SLC12A4: variants seen among roughly 807,000 people sequenced by gnomAD.
The protein encoded by SLC12A4 is solute carrier family 12 member 4, also known as electroneutral potassium-chloride cotransporter 1.
In SLC12A4, 84 loss-of-function variants were observed where a neutral mutation model predicts 119.2. The ratio of observed to expected loss-of-function variants is 0.70; its 90% CI spans 0.59 to 0.85. The LOEUF (loss-of-function observed/expected upper bound fraction) is 0.85. Among genes scored for constraint, SLC12A4 ranks in the 40% least tolerant of loss-of-function variants. The pLI, the probability that SLC12A4 is intolerant of heterozygous loss-of-function variation, is 0.00. For synonymous variants in SLC12A4, 599 were observed against 604.6 expected (o/e 0.99, Z 0.14); for missense variants, 1,298 against 1,476.3 (o/e 0.88, Z 1.98).
At chr16:67,966,850 G>C (rs954856792) in intron 1 of SLC12A4, 34 of 1,543,050 alleles carry the variant, frequency 2.2e-5, no homozygotes, top group Non-Finnish European at 2.9e-5. Flanking sequence ...GGAGGAGCTG[G>C]CCTAGCTTGC....
rs921779205 is a variant in SLC12A4, at chr16:67,951,197, C to T, written c.1240G>A (p.Ala414Thr). Residue 414 changes from alanine (A) to threonine (T), a missense_variant, in exon 9 of 24, where the codon GCT (alanine) becomes ACT (threonine). Transcript: ENST00000316341. The surrounding 1 kb of genome is among the most constrained non-coding windows in gnomAD (Gnocchi z 5.2). ...ACGGTGAAGGATGTGGCGATGTCAGCGACCACGTACAGAGGCAGGCTCTCC... is the reference window on the plus strand; with the variant it reads ...ACGGTGAAGGATGTGGCGATGTCAGTGACCACGTACAGAGGCAGGCTCTCC... ...LKESLPLYVV[A>T]DIATSFTVLV... 6.2e-6 allele frequency: 10 copies of T among 1,614,100 alleles called. No individual in the cohort carries two copies. The highest frequency in any genetic ancestry group is 2.2e-5 in the South Asian group (2 of 91,074).
chr16:67,957,483 CA>C (rs1199027663), intron 5 of SLC12A4: 10 of 478,042 alleles, frequency 2.1e-5, no homozygotes, highest in Middle Eastern at 1.2e-3. Context: ...TTTGCACTTT[CA>C]AACCCTCTTA....
At chr16:67,957,397 CT>C in intron 5 of SLC12A4, 1 of 248,824 alleles carries the variant, frequency 4.0e-6, no homozygotes, top group South Asian at 4.6e-5. Flanking sequence ...TCTCGATCTC[CT>C]GCCCTTGTGA....
At position 67,945,990 on chromosome 16, in the gene SLC12A4, G is replaced by C; in HGVS notation, c.2700C>G (p.Tyr900Ter). Residue 900 changes from tyrosine to a stop codon, truncating the protein, a stop_gained, in exon 20 of 24, where the codon TAC becomes TAG. Transcript: ENST00000316341. LOFTEE classifies it high-confidence loss of function. Reference sequence around the variant, plus strand: ...CCACCTCGGCCTCAAGGCGCAGATGGTACAGAAAGACAGCCAGGTCCTTCT... The same window carrying C: ...CCACCTCGGCCTCAAGGCGCAGATGCTACAGAAAGACAGCCAGGTCCTTCT... Reference protein sequence around the residue: ...QMKKDLAVFLYHLRLEAEVEV... With the variant: ...QMKKDLAVFL 6.2e-7 allele frequency: 1 copy of C among 1,614,114 alleles called. No individual in the cohort carries two copies. The highest frequency in any genetic ancestry group is 8.5e-7 in the Non-Finnish European group (1 of 1,180,014).
chr16:67,945,507 A>G lies in SLC12A4; in HGVS notation c.2894T>C (p.Leu965Pro). 6.2e-7 allele frequency: 1 copy of G among 1,614,024 alleles called. No homozygotes were observed. The highest frequency in any genetic ancestry group is 8.5e-7 in the Non-Finnish European group (1 of 1,179,996). Reference protein sequence around the residue: ...DRHSALRLESLYSDEEDESAV... With the variant: ...DRHSALRLESPYSDEEDESAV... ...AGACTCATCTTCCTCGTCCGAGTAC[A>G]GGCTCTCCAGCCGCAGGGCCGAGTG... Residue 965 changes from leucine (L) to proline (P), a missense_variant, in exon 22 of 24, where the codon CTG (leucine) becomes CCG (proline). Physicochemically the swap from Leu to Pro is moderately conservative, Grantham distance 98. Transcript: ENST00000316341.
chr16:67,966,361 A>G (rs1272010729), intron 1 of SLC12A4, among the ~76,000 whole-genome samples: 10 of 152,210 alleles, frequency 6.6e-5, no homozygotes. Context: ...CAAAAATTCC[A>G]GGGCAGGTCT....
In SLC12A4 at chr16:67,945,371, C is replaced by A; in HGVS notation, c.3030G>T (p.Lys1010Asn). The change falls in exon 22 of 24, where the codon AAG (lysine) becomes AAT (asparagine). Residue 1010 changes from lysine (K) to asparagine (N), a missense_variant and splice_region_variant. By Grantham distance (94) the Lys-to-Asn change is moderately conservative. Transcript: ENST00000316341. ...GGGGCTGTTTTTGCTGCACTCACGG[C>A]TTAATGTGCACCAGCTCCCGGAAAT... ...PDNFRELVHI[K>N]PDQSNVRRMH... 1 of 1,612,998 alleles carries A rather than the reference C, an allele frequency of 6.2e-7. No individual in the cohort carries two copies.
Position 67,950,715 on chromosome 16 carries a change from C to T in SLC12A4, c.1397-4G>A, listed in dbSNP as rs371929165. On this transcript the variant is annotated splice_polypyrimidine_tract_variant and splice_region_variant and intron_variant, in intron 10 of 23. Transcript: ENST00000316341. This position sits in a 1 kb window ranked among gnomAD's most constrained non-coding sequence, Gnocchi z 4.3. ...AAGAGAACCACACTGCTGAAGTCTGCGGCGGCGTCAAGGAAAACTCGGCCT... is the reference window on the plus strand; with the variant it reads ...AAGAGAACCACACTGCTGAAGTCTGTGGCGGCGTCAAGGAAAACTCGGCCT... 20 of 1,606,186 alleles carry T rather than the reference C, an allele frequency of 1.2e-5. No homozygotes were observed. In the African/African-American group the frequency reaches 1.5e-4, roughly 12 times the overall value.
chr16:67,957,318 C>T (rs1056545562), intron 5 of SLC12A4, among the ~76,000 whole-genome samples: 56 of 152,068 alleles, frequency 3.7e-4, no homozygotes, highest in African/African-American at 1.3e-3. Flanking sequence ...TACAGGCGCC[C>T]GCCACCACGC....
At chr16:67,964,343 C>G (rs1457208145) in intron 1 of SLC12A4, among the ~76,000 whole-genome samples, 2 of 152,210 alleles carry the variant, frequency 1.3e-5, no homozygotes, top group African/African-American at 4.8e-5. Context: ...TGAGAAATCT[C>G]GCCAAAAGGA....
upstream of SLC12A4, chr16:67,968,655 T>G: frequency 7.8e-7 from 1 of 1,282,510 alleles, no homozygotes; most frequent in Non-Finnish European, 9.8e-7. Flanking sequence ...CCGCTCGCAT[T>G]CCTCCCCGCT....
chr16:67,947,047 G>T lies in SLC12A4; in HGVS notation c.2131C>A (p.Leu711Ile), dbSNP rs976650569. Residue 711 changes from leucine (L) to isoleucine (I), a missense_variant, in exon 17 of 24, where the codon CTC becomes ATC. Coordinates refer to ENST00000316341, the MANE Select transcript of SLC12A4 (RefSeq NM_005072.5). ...TTGAGCTGGGAGGCGAAGGTGAGGA[G>T]CCGCGGGTACTTCACGTGGAGGTCC... ...DEDLHVKYPR[L>I]LTFASQLKAG... The T allele has an allele frequency of 1.2e-6, 2 of 1,612,256 alleles. No homozygotes were observed. Among genetic ancestry groups the T allele is most frequent in the Non-Finnish European group, 8.5e-7 (1 of 1,179,894 alleles).
intron 5 of SLC12A4, among the ~76,000 whole-genome samples, chr16:67,956,851 T>TATATAC (rs1491338441): frequency 1.3e-5 from 2 of 150,754 alleles, no homozygotes; most frequent in Admixed American, 6.6e-5. Flanking sequence ...TATATATATA[T>TATATAC]ACAATTTATG....
At chr16:67,953,571 G>A (rs2030067010) in intron 6 of SLC12A4, among the ~76,000 whole-genome samples, 1 of 152,134 alleles carries the variant, frequency 6.6e-6, no homozygotes, top group Non-Finnish European at 1.5e-5. Flanking sequence ...GGGGGTTCTT[G>A]GGATGATGAA....
At chr16:67,947,956 C>T in intron 14 of SLC12A4, 105 bp downstream of exon 14, 9 of 1,480,090 alleles carry the variant, frequency 6.1e-6, no homozygotes, top group Non-Finnish European at 8.5e-6. Context: ...CTATAATCTC[C>T]CTCCCCACAG....
intron 1 of SLC12A4, among the ~76,000 whole-genome samples, chr16:67,964,470 G>A (rs1307892923): frequency 2.0e-5 from 3 of 151,978 alleles, no homozygotes; most frequent in Admixed American, 2.0e-4. Flanking sequence ...GAGTCTCGGT[G>A]GGTGCCATTC....
intron 6 of SLC12A4, 103 bp downstream of exon 6, chr16:67,954,540 C>A (rs535128452): frequency 2.8e-6 from 4 of 1,409,946 alleles, no homozygotes; most frequent in Admixed American, 1.9e-5. Context: ...AATACCCAGG[C>A]CTTGGCCAGA....
At chr16:67,947,214 C>T in intron 16 of SLC12A4, 109 bp from the exon 17 acceptor site, 1 of 1,494,772 alleles carries the variant, frequency 6.7e-7, no homozygotes, top group South Asian at 1.2e-5. Flanking sequence ...GGTAGCATGG[C>T]CCAGGAGGGT....
At chr16:67,963,952 G>A (rs2030730888) in intron 1 of SLC12A4, 2 of 1,551,444 alleles carry the variant, frequency 1.3e-6, no homozygotes, top group Non-Finnish European at 1.7e-6. Context: ...GATGCCAAGG[G>A]TTCGGTGTCC....
Sources: allele counts gnomAD v4.1 joint callset (sites outside exome capture counted in the v4.1 genomes callset), GRCh38; gene constraint gnomAD v4.1.1; non-coding constraint Gnocchi (gnomAD v3.1); transcripts MANE v1.5; gene names NCBI Gene and HGNC (gene_info 2026-07-23, HGNC 2026-07-21).